Variants in CPS1 observed in about 807,000 individuals in gnomAD.
CPS1 encodes the protein carbamoyl-phosphate synthase 1.
A neutral mutation model predicts 174.6 loss-of-function variants in CPS1; 109 were observed. That is an observed-to-expected ratio of 0.62 (90% confidence interval 0.53 to 0.73). The LOEUF is 0.73. Among genes scored for constraint, CPS1 ranks in the 30% least tolerant of loss-of-function variants. The probability of loss-of-function intolerance (pLI) is 0.00; values close to 1 mark genes in which losing one functional copy is unlikely to be tolerated. For synonymous variants in CPS1, 637 were observed against 632.0 expected (o/e 1.01, Z -0.12); for missense variants, 1,689 against 1,821.9 (o/e 0.93, Z 1.33).
chr2:210,661,175 C>T (rs1199170162), intron 32 of CPS1, among the ~76,000 whole-genome samples: 1 of 152,096 alleles, frequency 6.6e-6, no homozygotes, highest in Non-Finnish European at 1.5e-5. Context: ...TTGATGACAC[C>T]TTTATAAAGA....
intron 1 of CPS1, among the ~76,000 whole-genome samples, chr2:210,546,373 ATATAT>A (rs1221119014): frequency 1.3e-5 from 2 of 152,136 alleles, no homozygotes; most frequent in Admixed American, 6.6e-5. Flanking sequence ...AGAAAAATGA[ATATAT>A]TATATTTTTA....
Position 210,530,420 on chromosome 2 carries a change from T to C in CPS1, c.4-26299T>C, listed in dbSNP as rs1696087793. 2.0e-5 allele frequency among the ~76,000 whole-genome samples: 3 copies of C among 152,124 alleles called. No individual in the cohort carries two copies. In the South Asian group the frequency reaches 6.2e-4, roughly 31 times the overall value. On this transcript the variant is annotated intron_variant, in intron 1 of 38. Transcript: ENST00000430249. ...ATTTTCTATCAAATTTCCTTTCTTA[T>C]GTTGCAATAATAGCCAAACTACTGA...
chr2:210,554,672 C>A (rs1049782747), upstream of CPS1, among the ~76,000 whole-genome samples: 3 of 151,736 alleles, frequency 2.0e-5, no homozygotes, highest in African/African-American at 7.3e-5. Context: ...GTGCAGCACA[C>A]CAGCATGGCA....
Position 210,556,609 on chromosome 2 carries a change from G to A in CPS1, c.-125G>A. 4.6e-6 allele frequency: 7 copies of A among 1,515,516 alleles called. No individual in the cohort carries two copies. In the South Asian group the frequency reaches 7.9e-5, roughly 17 times the overall value. The allele number at this position is 1,515,516 out of a possible 1,614,324, so 93.9% of individuals were successfully genotyped here. ...AATGAATGGAAATTCAAAGATCGCT[G>A]TGCAGTCAGCCTTAAACACTGACTG... is the stretch of plus-strand genomic sequence containing the variant. On this transcript the variant is annotated 5_prime_UTR_variant, in exon 1 of 38. In the 5' UTR this introduces an upstream ATG that the reference lacks. Transcript: ENST00000233072.
chr2:210,629,311 T>TC (rs969132309), intron 21 of CPS1, among the ~76,000 whole-genome samples: 2 of 152,062 alleles, frequency 1.3e-5, no homozygotes, highest in Non-Finnish European at 2.9e-5. Context: ...GGTATCAGCA[T>TC]CCTTTTTTTT....
intron 1 of CPS1, among the ~76,000 whole-genome samples, chr2:210,507,793 G>A (rs1174192736): frequency 1.3e-4 from 20 of 152,068 alleles, no homozygotes; most frequent in Non-Finnish European, 1.2e-4. Flanking sequence ...GCCATTACAT[G>A]ATGGTAAAGG....
chr2:210,654,505 T>C (rs1408751878), intron 29 of CPS1, among the ~76,000 whole-genome samples: 1 of 152,130 alleles, frequency 6.6e-6, no homozygotes, highest in Non-Finnish European at 1.5e-5. Context: ...CCCATCCTCC[T>C]CCCTTTTTAT....
At chr2:210,646,662 CTT>C (rs1244132322) in intron 25 of CPS1, among the ~76,000 whole-genome samples, 1 of 152,058 alleles carries the variant, frequency 6.6e-6, no homozygotes, top group African/African-American at 2.4e-5. Flanking sequence ...ATAATCATGT[CTT>C]ATTTATTTAT....
In CPS1 at chr2:210,600,667, A is replaced by G. The variant is rs778112132; in HGVS notation, c.1662A>G (p.Leu554=). The change falls in exon 15 of 38, where the codon CTA becomes CTG. Residue 554 remains leucine (L), a synonymous_variant. Transcript: ENST00000233072. ...ACAGGCAGCTGTTTTCAGATAAACT[A>G]AATGAGATCAATGAAAAGATTGCTC... ...TEDRQLFSDK[L]NEINEKIAPS... 2.4e-5 allele frequency: 38 copies of G among 1,612,156 alleles called. No individual in the cohort carries two copies. Among genetic ancestry groups the G allele is most frequent in the African/African-American group, 9.4e-5 (7 of 74,790 alleles).
intron 10 of CPS1, 80 bp downstream of exon 10, chr2:210,592,049 A>G (rs187531383): frequency 1.0e-5 from 15 of 1,456,932 alleles, no homozygotes; most frequent in Admixed American, 1.9e-5. Flanking sequence ...TAAGCATTGT[A>G]TATATTTATG....
At chr2:210,488,042 G>C (rs545633791) in intron 1 of CPS1, among the ~76,000 whole-genome samples, 1 of 152,276 alleles carries the variant, frequency 6.6e-6, no homozygotes, top group East Asian at 1.9e-4. Context: ...CTGTGCTGGG[G>C]ACCTGTGAGA....
intron 33 of CPS1, among the ~76,000 whole-genome samples, chr2:210,664,590 C>T (rs900541308): frequency 7.2e-5 from 11 of 152,134 alleles, no homozygotes; most frequent in Non-Finnish European, 1.5e-4. Context: ...CCGCCCGCTA[C>T]AGACATGAGC....
At chr2:210,594,433 C>A in intron 11 of CPS1, 75 bp from the exon 12 acceptor site, 1 of 953,246 alleles carries the variant, frequency 1.0e-6, no homozygotes, top group African/African-American at 1.6e-5. Flanking sequence ...TCAAATTTAA[C>A]TGGGTATATT....
In CPS1 at chr2:210,592,901, C is replaced by G. The variant is rs149107897; in HGVS notation, c.1109C>G (p.Pro370Arg). The G allele has an allele frequency of 6.2e-6, 10 of 1,612,400 alleles. No homozygotes were observed. The Admixed American group carries it at 1.3e-4, about 22-fold the overall frequency. The stretch of plus-strand genomic sequence containing the variant: ...TAGGGGATTATGCATGAGAGCAAAC[C>G]CTTCTTCGCTGTGCAGTTCCACCCA... The part of the protein sequence containing the change: ...TNEGIMHESK[P>R]FFAVQFHPEV... The change falls in exon 11 of 38, where the codon CCC (proline) becomes CGC (arginine). Residue 370 changes from proline (P) to arginine (R), a missense_variant. Transcript: ENST00000233072.
At chr2:210,514,021 T>C (rs551251892) in intron 1 of CPS1, among the ~76,000 whole-genome samples, 1 of 152,174 alleles carries the variant, frequency 6.6e-6, no homozygotes, top group Non-Finnish European at 1.5e-5. Flanking sequence ...CTGGGCTCTC[T>C]ATTCTGTTTC....
At chr2:210,671,153 T>G (rs1701287764) in intron 34 of CPS1, among the ~76,000 whole-genome samples, 1 of 152,148 alleles carries the variant, frequency 6.6e-6, no homozygotes. Flanking sequence ...TACTCTAGAG[T>G]AGATCAAGAG....
chr2:210,477,978 T>C (rs527247345), intron 1 of CPS1, among the ~76,000 whole-genome samples: 75 of 152,362 alleles, frequency 4.9e-4, no homozygotes, highest in Admixed American at 1.4e-3. Flanking sequence ...TTTCATAGTA[T>C]GCCTCTATCT....
chr2:210,477,734 A>T, exon 1 of CPS1: 1 of 1,613,072 alleles, frequency 6.2e-7, no homozygotes, highest in Non-Finnish European at 8.5e-7. Flanking sequence ...TCTTAACCTC[A>T]TCAAATTCAT....
intron 1 of CPS1, among the ~76,000 whole-genome samples, chr2:210,542,409 A>G (rs776557338): frequency 6.6e-6 from 1 of 152,076 alleles, no homozygotes; most frequent in Non-Finnish European, 1.5e-5. Context: ...AAAAGTCTAC[A>G]TCTTACTTTA....
Sources: gnomAD v4.1 joint callset for allele counts (sites outside exome capture counted in the v4.1 genomes callset) on GRCh38, gnomAD v4.1.1 for gene constraint, MANE v1.5 for transcripts, NCBI Gene and HGNC (gene_info 2026-07-23, HGNC 2026-07-21) for gene names.